The following ATN1 variants were observed in gnomAD, a reference collection of about 807,000 sequenced individuals.
The protein encoded by ATN1 is atrophin 1.
Under a neutral mutation model 85.8 loss-of-function variants are expected in ATN1, and 19 were observed. That is an observed-to-expected ratio of 0.22 (90% CI 0.15 to 0.32). The LOEUF (loss-of-function observed/expected upper bound fraction) is 0.32, where lower values mean the gene tolerates loss of function less well. Among genes scored for constraint, ATN1 ranks in the 10% least tolerant of loss-of-function variants. The pLI is 1.00. For synonymous variants in ATN1, 674 were observed against 657.0 expected (o/e 1.03, Z -0.39); for missense variants, 1,453 against 1,564.5 (o/e 0.93, Z 1.20).
chr12:6,934,534 A>G lies in ATN1; in HGVS notation c.235A>G (p.Ser79Gly), dbSNP rs947792000. The G allele has an allele frequency of 2.6e-5, 41 of 1,577,002 alleles. No homozygotes were observed. Among genetic ancestry groups the G allele is most frequent in the Non-Finnish European group, 3.5e-5 (41 of 1,160,702 alleles). The change falls in exon 4 of 10, where the codon AGT (serine) becomes GGT (glycine). Residue 79 changes from serine (S) to glycine (G), a missense_variant. Physicochemically the swap from Ser to Gly is moderately conservative, Grantham distance 56. Around this residue, in one of 6 missense-constraint regions of ATN1, gnomAD observed 130 missense variants for 158.2 expected, o/e 0.82. Coordinates refer to ENST00000396684, the MANE Select transcript of ATN1 (RefSeq NM_001940.4). This position sits in a 1 kb window ranked among gnomAD's most constrained non-coding sequence, Gnocchi z 4.5. ...KQGRSEEISESESEETNAPKK... is the reference protein window; with the variant it reads ...KQGRSEEISEGESEETNAPKK... ...GGGTCGGAGTGAGGAGATCTCAGAG[A>G]GTGAAAGTGAGGAGACCAATGCACC... is the stretch of plus-strand genomic sequence containing the variant.
At position 6,941,342 on chromosome 12, in the gene ATN1, G is replaced by A. The variant is rs782262404; in HGVS notation, c.3359-32G>A. The A allele has an allele frequency of 3.8e-6, 6 of 1,559,464 alleles. No individual in the cohort carries two copies. In the African/African-American group the frequency reaches 8.3e-5, roughly 21 times the overall value. ...CCAGAGCAGGTACTTGTTATCCGTTGGTCATATGCCCCTTGCCCTTCCTGC... is the reference window on the plus strand; with the variant it reads ...CCAGAGCAGGTACTTGTTATCCGTTAGTCATATGCCCCTTGCCCTTCCTGC... On this transcript the variant is annotated intron_variant, in intron 8 of 9. Coordinates refer to ENST00000396684, the MANE Select transcript of ATN1 (RefSeq NM_001940.4). This position sits in a 1 kb window ranked among gnomAD's most constrained non-coding sequence, Gnocchi z 5.9.
rs1384138174 is a variant in ATN1 at position 6,928,043 on chromosome 12, G to A, written c.-504G>A. Among the ~76,000 whole-genome samples the A allele has an allele frequency of 6.9e-6, 1 of 144,880 alleles. No individual in the cohort carries two copies. The highest frequency in any genetic ancestry group is 1.5e-5 in the Non-Finnish European group (1 of 65,298). ...GGCGGCGGCGGGTCGGAACCGCGCCGAGGGCCGGGCGGGCCGCGGGGCCGG... is the reference window on the plus strand; with the variant it reads ...GGCGGCGGCGGGTCGGAACCGCGCCAAGGGCCGGGCGGGCCGCGGGGCCGG... On this transcript the variant is annotated 5_prime_UTR_variant, in exon 1 of 10. Coordinates refer to ENST00000396684, the MANE Select transcript of ATN1 (RefSeq NM_001940.4).
rs782162061 is a variant in ATN1, at chr12:6,936,145, A to C, written c.878A>C (p.Asn293Thr). ...CTACCTTCTGCTCCACCACCAGCCA[A>C]CTTCCCCCATGTGACACCGAACCTG... ...GNLPSAPPPA[N>T]FPHVTPNLPP... is the part of the protein sequence containing the mutation. The change falls in exon 5 of 10, where the codon AAC (asparagine) becomes ACC (threonine). Residue 293 changes from asparagine (N) to threonine (T), a missense_variant. Coordinates refer to ENST00000396684, the MANE Select transcript of ATN1 (RefSeq NM_001940.4). 1 of 1,531,946 alleles carries C rather than the reference A, an allele frequency of 6.5e-7. No homozygotes were observed. Among genetic ancestry groups the C allele is most frequent in the Non-Finnish European group, 8.8e-7 (1 of 1,140,406 alleles). 94.9% of individuals were successfully genotyped at this position (1,531,946 alleles called of 1,614,324 possible).
In ATN1 at chr12:6,935,889, G is replaced by C; in HGVS notation, c.622G>C (p.Ala208Pro). 1 of 1,613,212 alleles carries C rather than the reference G, an allele frequency of 6.2e-7. No homozygotes were observed. Among genetic ancestry groups the C allele is most frequent in the South Asian group, 1.1e-5 (1 of 90,986 alleles). Residue 208 changes from alanine (A) to proline (P), a missense_variant, in exon 5 of 10, where the codon GCT (alanine) becomes CCT (proline). Transcript: ENST00000396684. The surrounding 1 kb of genome is among the most constrained non-coding windows in gnomAD (Gnocchi z 5.3). ...MEPPTSRMFQ[A>P]PPGAPPPHPQ... ...GCCCCCCACATCTCGAATGTTCCAG[G>C]CTCCTCCTGGGGCCCCTCCCCCTCA...
chr12:6,941,552 C>T lies in ATN1; in HGVS notation c.3537C>T (p.Tyr1179=), dbSNP rs781803999. 6.2e-7 allele frequency: 1 copy of T among 1,612,608 alleles called. No homozygotes were observed. The highest frequency in any genetic ancestry group is 8.5e-7 in the Non-Finnish European group (1 of 1,179,732). ...SVPLPAQEDY[Y]SHLKKESDKP... ...CGCTGCCTGCCCAGGAGGACTACTA[C>T]AGGTACCCTAGGGTGCCCCAGCCCA... The change falls in exon 9 of 10, where the codon TAC becomes TAT. Residue 1179 remains tyrosine, a splice_region_variant and synonymous_variant. Transcript: ENST00000396684. This position sits in a 1 kb window ranked among gnomAD's most constrained non-coding sequence, Gnocchi z 5.9.
At position 6,934,904 on chromosome 12, in the gene ATN1, T is replaced by C. The variant is rs1158012664; in HGVS notation, c.279+326T>C. 6.6e-6 allele frequency among the ~76,000 whole-genome samples: 1 copy of C among 152,156 alleles called. No homozygotes were observed. The highest frequency in any genetic ancestry group is 2.4e-5 in the African/African-American group (1 of 41,438). ...TTTTTATTGTTTTTTTTTGTTTGTT[T>C]GTTTTTGAGACAGTTTCGCTCTGTC... On this transcript the variant is annotated intron_variant, in intron 4 of 9. Transcript: ENST00000396684. The surrounding 1 kb of genome is among the most constrained non-coding windows in gnomAD (Gnocchi z 4.5).
chr12:6,938,507 G>A lies in ATN1; in HGVS notation c.2544G>A (p.Pro848=). 6.2e-7 allele frequency: 1 copy of A among 1,610,380 alleles called. No individual in the cohort carries two copies. Among genetic ancestry groups the A allele is most frequent in the African/African-American group, 1.3e-5 (1 of 74,994 alleles). Reference sequence around the variant, plus strand: ...AGTTGGCTCAGGAGGGCCGTGCTCCGGTGGAATGCCCATCTCTGGGCCCAG... The same window carrying A: ...AGTTGGCTCAGGAGGGCCGTGCTCCAGTGGAATGCCCATCTCTGGGCCCAG... The part of the protein sequence containing the change: ...SVKLAQEGRA[P]VECPSLGPVP... The change falls in exon 7 of 10, where the codon CCG becomes CCA. Residue 848 remains proline (P), a synonymous_variant. Coordinates refer to ENST00000396684, the MANE Select transcript of ATN1 (RefSeq NM_001940.4).
At chr12:6,932,034 CAAAAAAAA>C (rs34374667) in intron 1 of ATN1, among the ~76,000 whole-genome samples, 1 of 50,708 alleles carries the variant, frequency 2.0e-5, no homozygotes, top group African/African-American at 7.0e-5. Context: ...AACTCTGTCT[CAAAAAAAA>C]AAAAAAAAAA....
chr12:6,926,420 T>TC (rs1379660374), upstream of ATN1, among the ~76,000 whole-genome samples: 8 of 151,094 alleles, frequency 5.3e-5, no homozygotes, highest in African/African-American at 1.7e-4. Flanking sequence ...GCCAGCAACC[T>TC]CCCCCCGCTC....
rs936832430 is a variant in ATN1 at position 6,937,190 on chromosome 12, G to T, written c.1923G>T (p.Lys641Asn). Residue 641 changes from lysine (K) to asparagine (N), a missense_variant, in exon 5 of 10, where the codon AAG (lysine) becomes AAT (asparagine). This residue lies in a region of ATN1 where 990 missense variants were observed against 914.8 expected (regional missense o/e 1.08). Transcript: ENST00000396684. The surrounding 1 kb of genome is among the most constrained non-coding windows in gnomAD (Gnocchi z 6.0). ...CACCTGGGCCCCCACCGTACGGAAA[G>T]AGAGCCCCGTCCCCGGGGGCCTACA... ...ASPPGPPPYG[K>N]RAPSPGAYKT... The T allele has an allele frequency of 6.2e-7, 1 of 1,611,350 alleles. No individual in the cohort carries two copies. The highest frequency in any genetic ancestry group is 1.1e-5 in the South Asian group (1 of 91,050).
At position 6,938,982 on chromosome 12, in the gene ATN1, G is replaced by A. The variant is rs138470711; in HGVS notation, c.3019G>A (p.Ala1007Thr). ...PLERERLALA[A>T]GPALRPDMSY... ...GGAGCGAGAACGTCTAGCGCTGGCAGCTGGGCCAGCCCTGCGGCCTGACAT... is the reference window on the plus strand; with the variant it reads ...GGAGCGAGAACGTCTAGCGCTGGCAACTGGGCCAGCCCTGCGGCCTGACAT... Residue 1007 changes from alanine (A) to threonine (T), a missense_variant, in exon 7 of 10, where the codon GCT becomes ACT. By Grantham distance (58) the Ala-to-Thr change is moderately conservative. Coordinates refer to ENST00000396684, the MANE Select transcript of ATN1 (RefSeq NM_001940.4). The A allele has an allele frequency of 8.7e-4, 1,403 of 1,613,256 alleles. 18 individuals carry two copies. The highest frequency in any genetic ancestry group is 8.8e-5 in the Non-Finnish European group (104 of 1,180,000).
At position 6,927,986 on chromosome 12, in the gene ATN1, C is replaced by A. The variant is rs1345874694; in HGVS notation, c.-561C>A. On this transcript the variant is annotated 5_prime_UTR_variant, in exon 1 of 10. Transcript: ENST00000396684. ...GCGAGGCGGCCGAGGGGCCCGGGAT[C>A]GCGCGGGTGCGGGCTGCGCTAGGCG... 1.4e-5 allele frequency among the ~76,000 whole-genome samples: 2 copies of A among 145,146 alleles called. No individual in the cohort carries two copies. Among genetic ancestry groups the A allele is most frequent in the African/African-American group, 5.0e-5 (2 of 39,902 alleles).
chr12:6,927,603 C>A (rs1489690233), upstream of ATN1, among the ~76,000 whole-genome samples: 1 of 150,946 alleles, frequency 6.6e-6, no homozygotes, highest in South Asian at 2.1e-4. Context: ...CCGGCCCCCT[C>A]GGCCTCGGCC....
In ATN1 at chr12:6,941,579, G is replaced by A; in HGVS notation, c.3539+25G>A. 1 of 1,612,160 alleles carries A rather than the reference G, an allele frequency of 6.2e-7. No homozygotes were observed. Among genetic ancestry groups the A allele is most frequent in the Non-Finnish European group, 8.5e-7 (1 of 1,179,306 alleles). On this transcript the variant is annotated intron_variant, in intron 9 of 9. Transcript: ENST00000396684. The surrounding 1 kb of genome is among the most constrained non-coding windows in gnomAD (Gnocchi z 5.9). The stretch of plus-strand genomic sequence containing the variant: ...GGTACCCTAGGGTGCCCCAGCCCAG[G>A]GGACATGGGCTCAGCGAGCCTGGGA...
At chr12:6,939,459 C>G (rs1945604702) in intron 7 of ATN1, among the ~76,000 whole-genome samples, 1 of 152,240 alleles carries the variant, frequency 6.6e-6, no homozygotes, top group South Asian at 2.1e-4. Flanking sequence ...GGACACTTTT[C>G]TATTCTCACA....
intron 6 of ATN1, 132 bp downstream of exon 6, chr12:6,938,199 G>A: frequency 7.0e-7 from 1 of 1,431,924 alleles, no homozygotes; most frequent in South Asian, 1.5e-5. Flanking sequence ...ACCTGTCGGA[G>A]GGGAGGTACC....
chr12:6,926,862 C>T (rs953388952), upstream of ATN1, among the ~76,000 whole-genome samples: 2 of 151,678 alleles, frequency 1.3e-5, no homozygotes, highest in African/African-American at 2.4e-5. Context: ...TTCCAATCTT[C>T]TTATCCCCCT....
chr12:6,938,732 G>C lies in ATN1; in HGVS notation c.2769G>C (p.Leu923=). 6.2e-7 allele frequency: 1 copy of C among 1,614,012 alleles called. No homozygotes were observed. The change falls in exon 7 of 10, where the codon CTG becomes CTC. Residue 923 remains leucine, a synonymous_variant. Coordinates refer to ENST00000396684, the MANE Select transcript of ATN1 (RefSeq NM_001940.4). Reference sequence around the variant, plus strand: ...TCCTGGGTTACAATGTCCCGGCCCTGTACAGCAGTGATCCAGCTGCCCGGG... The same window carrying C: ...TCCTGGGTTACAATGTCCCGGCCCTCTACAGCAGTGATCCAGCTGCCCGGG... ...PGLLGYNVPA[L]YSSDPAARER...
At chr12:6,927,914 G>C (rs1249353426), upstream of ATN1, among the ~76,000 whole-genome samples, 1 of 151,154 alleles carries the variant, frequency 6.6e-6, no homozygotes, top group Non-Finnish European at 1.5e-5. Flanking sequence ...GAGGGGCTAG[G>C]AGGGGGGAGA....
Sources: allele counts gnomAD v4.1 joint callset (sites outside exome capture counted in the v4.1 genomes callset), GRCh38; gene constraint gnomAD v4.1.1; regional missense constraint gnomAD v4.1.1; non-coding constraint Gnocchi (gnomAD v3.1); transcripts MANE v1.5; gene names NCBI Gene and HGNC (gene_info 2026-07-23, HGNC 2026-07-21).